DNAH14: variants seen among roughly 807,000 people sequenced by gnomAD.
DNAH14 encodes the protein dynein axonemal heavy chain 14.
DNAH14 carries 478 observed loss-of-function variants against 520.9 expected under a neutral mutation model. That is an observed-to-expected ratio of 0.92 (90% CI 0.85 to 0.99). The LOEUF (loss-of-function observed/expected upper bound fraction) is 0.99. Among genes scored for constraint, DNAH14 ranks in the 50% least tolerant of loss-of-function variants. The pLI, the probability that DNAH14 is intolerant of heterozygous loss-of-function variation, is 0.00. For missense variants in DNAH14, 4,831 were observed against 5,234.5 expected, an observed-to-expected ratio of 0.92 and a Z score of 2.38; for synonymous variants, 1,581 against 1,757.2, an observed-to-expected ratio of 0.90 and a Z score of 2.51.
intron 43 of DNAH14, among the ~76,000 whole-genome samples, chr1:225,244,968 T>C (rs2092195668): frequency 6.6e-6 from 1 of 152,196 alleles, no homozygotes. Flanking sequence ...TCTTTCCCGC[T>C]TTCTGATGTG....
chr1:225,027,758 G>A (rs1333785407), intron 11 of DNAH14, among the ~76,000 whole-genome samples: 5 of 151,948 alleles, frequency 3.3e-5, no homozygotes, highest in Admixed American at 2.0e-4. Flanking sequence ...TCAACACTGG[G>A]AATTACAATT....
chr1:224,968,879 G>A lies in DNAH14; in HGVS notation c.767+5G>A. The A allele has an allele frequency of 3.9e-6, 6 of 1,528,166 alleles. No individual in the cohort carries two copies. Among genetic ancestry groups the A allele is most frequent in the Non-Finnish European group, 5.3e-6 (6 of 1,134,452 alleles). 94.7% of individuals were successfully genotyped at this position (1,528,166 alleles called of 1,614,324 possible). ...CAAGATATTTTCTGATTTCCGGTGA[G>A]GTGAAAAAAATGAAACCAATTCTTT... On this transcript the variant is annotated splice_donor_5th_base_variant and intron_variant, in intron 7 of 85. Transcript: ENST00000682510.
Position 225,207,158 on chromosome 1 carries a change from C to A in DNAH14, c.6377C>A (p.Thr2126Asn), listed in dbSNP as rs980077455. ...YPMEDITVVI[T>N]LCRILDAFFD... Reference sequence around the variant, plus strand: ...ATGGAGGACATAACAGTCGTCATAACCCTCTGCAGAATTCTTGATGCTTTC... The same window carrying A: ...ATGGAGGACATAACAGTCGTCATAAACCTCTGCAGAATTCTTGATGCTTTC... Residue 2126 changes from threonine to asparagine, a missense_variant, in exon 41 of 86, where the codon ACC (threonine) becomes AAC (asparagine). Transcript: ENST00000682510. 1.9e-6 allele frequency: 3 copies of A among 1,544,698 alleles called. No individual in the cohort carries two copies.
intron 55 of DNAH14, among the ~76,000 whole-genome samples, chr1:225,296,470 G>A (rs2094008782): frequency 6.8e-6 from 1 of 147,874 alleles, no homozygotes; most frequent in South Asian, 2.1e-4. Flanking sequence ...GTTGTTTTGT[G>A]TATCCTTCCT....
At chr1:225,100,981 A>C in intron 23 of DNAH14, 97 bp downstream of exon 23, 1 of 1,028,064 alleles carries the variant, frequency 9.7e-7, no homozygotes, top group South Asian at 2.2e-5. Context: ...TCCAGTGCAG[A>C]TTTTCTTTAT....
intron 21 of DNAH14, among the ~76,000 whole-genome samples, chr1:225,095,958 T>C (rs77125869): frequency 0.059 from 8,939 of 152,190 alleles, 354 homozygotes; most frequent in Non-Finnish European, 0.078. Context: ...CATAAAATTG[T>C]ATACTTTAAT....
At chr1:225,011,074 C>CT (rs1168540089) in intron 10 of DNAH14, among the ~76,000 whole-genome samples, 2 of 150,384 alleles carry the variant, frequency 1.3e-5, no homozygotes, top group African/African-American at 2.4e-5. Context: ...ATTTTTTGAA[C>CT]TTTTTTTGTG....
At chr1:225,278,062 A>C (rs2093534187) in intron 54 of DNAH14, among the ~76,000 whole-genome samples, 1 of 150,602 alleles carries the variant, frequency 6.6e-6, no homozygotes, top group Non-Finnish European at 1.5e-5. Context: ...TCTCAAAAAG[A>C]ATTTTTTTTA....
chr1:224,985,193 A>G (rs2062544643), intron 8 of DNAH14, among the ~76,000 whole-genome samples: 1 of 152,226 alleles, frequency 6.6e-6, no homozygotes, highest in African/African-American at 2.4e-5. Context: ...ACAATTCACA[A>G]TAGCAAAATC....
chr1:224,940,223 C>T (rs946849130), intron 1 of DNAH14, among the ~76,000 whole-genome samples: 1 of 152,180 alleles, frequency 6.6e-6, no homozygotes, highest in Non-Finnish European at 1.5e-5. Context: ...TAGTGCTTAG[C>T]TTTAAAAGGG....
intron 5 of DNAH14, among the ~76,000 whole-genome samples, chr1:224,966,116 T>C (rs1342295993): frequency 6.6e-6 from 1 of 152,138 alleles, no homozygotes; most frequent in Non-Finnish European, 1.5e-5. Context: ...ATTAAAAAGG[T>C]CATACATTAT....
At chr1:225,193,091 T>C (rs2149356392) in intron 38 of DNAH14, among the ~76,000 whole-genome samples, 180 bp downstream of exon 38, 1 of 152,252 alleles carries the variant, frequency 6.6e-6, no homozygotes, top group Admixed American at 6.6e-5. Flanking sequence ...AAATCTCCCA[T>C]TGAATTTTTA....
chr1:225,104,518 A>G (rs1188177862), intron 23 of DNAH14, among the ~76,000 whole-genome samples: 1 of 151,928 alleles, frequency 6.6e-6, no homozygotes, highest in Non-Finnish European at 1.5e-5. Context: ...CTGGTCCTGG[A>G]CTTTTTTTGG....
In DNAH14 at chr1:225,266,746, G is replaced by C. The variant is rs778065896; in HGVS notation, c.7516G>C (p.Asp2506His). ...RQLLDLGGVY[D>H]TEKNTWKNIQ... is the part of the protein sequence containing the mutation. Reference sequence around the variant, plus strand: ...ATTGTTAGATTTGGGAGGAGTTTATGATACTGAAAAAAATACATGGAAGGT... The same window carrying C: ...ATTGTTAGATTTGGGAGGAGTTTATCATACTGAAAAAAATACATGGAAGGT... Residue 2506 changes from aspartate (D) to histidine (H), a missense_variant, in exon 49 of 86, where the codon GAT becomes CAT. Transcript: ENST00000682510. 1.3e-6 allele frequency: 2 copies of C among 1,517,672 alleles called. No individual in the cohort carries two copies. The highest frequency in any genetic ancestry group is 2.6e-5 in the South Asian group (2 of 76,990). The allele number at this position is 1,517,672 out of a possible 1,614,324, so 94.0% of individuals were successfully genotyped here.
chr1:225,063,708 G>A (rs764174754), intron 17 of DNAH14, among the ~76,000 whole-genome samples: 5 of 152,016 alleles, frequency 3.3e-5, no homozygotes, highest in African/African-American at 2.4e-5. Flanking sequence ...AAATGAGAAG[G>A]TGGAGAGACA....
intron 35 of DNAH14, among the ~76,000 whole-genome samples, chr1:225,167,121 A>G (rs1219018871): frequency 6.6e-6 from 1 of 152,206 alleles, no homozygotes; most frequent in East Asian, 1.9e-4. Flanking sequence ...GAGCAATTCC[A>G]TTTGATCTTT....
At chr1:225,287,281 A>G (rs1161422523) in intron 54 of DNAH14, among the ~76,000 whole-genome samples, 1 of 152,186 alleles carries the variant, frequency 6.6e-6, no homozygotes, top group Admixed American at 6.6e-5. Context: ...GAAAAATCAA[A>G]CCATGTTGCA....
chr1:224,960,025 C>A, intron 3 of DNAH14, 128 bp from the exon 4 acceptor site: 1 of 861,172 alleles, frequency 1.2e-6, no homozygotes, highest in Non-Finnish European at 1.6e-6. Flanking sequence ...GGGATTCAGC[C>A]TGTGCTCTTA....
chr1:225,332,174 T>G (rs2094812171), intron 65 of DNAH14, among the ~76,000 whole-genome samples: 1 of 152,188 alleles, frequency 6.6e-6, no homozygotes, highest in South Asian at 2.1e-4. Context: ...CTCAGTTTAG[T>G]TACACCTCAG....
Sources: allele counts gnomAD v4.1 joint callset (sites outside exome capture counted in the v4.1 genomes callset), GRCh38; gene constraint gnomAD v4.1.1; transcripts MANE v1.5; gene names NCBI Gene and HGNC (gene_info 2026-07-23, HGNC 2026-07-21).